Variants in MBOAT2 observed in about 807,000 individuals in gnomAD.
MBOAT2 encodes membrane-bound glycerophospholipid O-acyltransferase 2.
In MBOAT2, 28 loss-of-function variants were observed where a neutral mutation model predicts 63.4. The observed-to-expected ratio is 0.44, with a 90% confidence interval of 0.33 to 0.61. The LOEUF (loss-of-function observed/expected upper bound fraction) is 0.61. Among genes scored for constraint, MBOAT2 ranks in the 20% least tolerant of loss-of-function variants. MBOAT2 has a pLI of 0.03. For synonymous variants in MBOAT2, 211 were observed against 215.6 expected, an observed-to-expected ratio of 0.98 and a Z score of 0.19; for missense variants, 470 against 605.8, an observed-to-expected ratio of 0.78 and a Z score of 2.35.
At chr2:8,889,538 G>A (rs537181923) in intron 4 of MBOAT2, among the ~76,000 whole-genome samples, 2 of 152,246 alleles carry the variant, frequency 1.3e-5, no homozygotes, top group Admixed American at 6.5e-5. Flanking sequence ...TGGAACACCC[G>A]ATTGCTATTT....
chr2:8,940,008 C>T (rs543901656), intron 3 of MBOAT2, among the ~76,000 whole-genome samples: 1 of 152,138 alleles, frequency 6.6e-6, no homozygotes, highest in East Asian at 1.9e-4. Context: ...CAGAACAGAA[C>T]AGATACCAGT....
chr2:8,881,981 T>C (rs991393684), intron 6 of MBOAT2, among the ~76,000 whole-genome samples: 4 of 152,236 alleles, frequency 2.6e-5, no homozygotes, highest in Non-Finnish European at 5.9e-5. Flanking sequence ...TTCCTTAGAT[T>C]AGTCATCAGA....
At chr2:8,881,082 G>C (rs1453679639) in intron 6 of MBOAT2, among the ~76,000 whole-genome samples, 2 of 152,192 alleles carry the variant, frequency 1.3e-5, no homozygotes, top group African/African-American at 4.8e-5. Flanking sequence ...ATCAGTGAGT[G>C]AACAGGCAGG....
At chr2:8,972,342 C>T (rs1670514888) in intron 1 of MBOAT2, among the ~76,000 whole-genome samples, 2 of 152,178 alleles carry the variant, frequency 1.3e-5, no homozygotes, top group South Asian at 2.1e-4. Context: ...TGGATCTCTT[C>T]CTTACACCTT....
At chr2:8,866,316 G>GT (rs1661893964) in intron 9 of MBOAT2, among the ~76,000 whole-genome samples, 1 of 152,090 alleles carries the variant, frequency 6.6e-6, no homozygotes, top group South Asian at 2.1e-4. Flanking sequence ...GATACACAGT[G>GT]TATCTGTGGT....
At chr2:8,860,571 T>G (rs369123254) in intron 12 of MBOAT2, 42 bp downstream of exon 12, 1 of 1,584,876 alleles carries the variant, frequency 6.3e-7, no homozygotes, top group Non-Finnish European at 8.6e-7. Flanking sequence ...CTTTTGAAAA[T>G]AGAGTTATTC....
chr2:8,978,341 A>G (rs1329953877), intron 1 of MBOAT2, among the ~76,000 whole-genome samples: 1 of 152,142 alleles, frequency 6.6e-6, no homozygotes, highest in Non-Finnish European at 1.5e-5. Context: ...CACAGACCTT[A>G]CAATCTAAAG....
rs541049699 is a variant in MBOAT2 at position 8,913,821 on chromosome 2, G to T, written c.300-5105C>A. Reference sequence around the variant, plus strand: ...TTTGATCCAGCAATCCCACTACTGGGTATCTACCCAGAGGAAAAAAAAGTC... The same window carrying T: ...TTTGATCCAGCAATCCCACTACTGGTTATCTACCCAGAGGAAAAAAAAGTC... On this transcript the variant is annotated intron_variant, in intron 3 of 12. Coordinates refer to ENST00000305997, the MANE Select transcript of MBOAT2 (RefSeq NM_138799.4). Among the ~76,000 whole-genome samples, 6 of 151,720 alleles carry T rather than the reference G, an allele frequency of 4.0e-5. No individual in the cohort carries two copies. In the East Asian group the frequency reaches 1.2e-3, roughly 29 times the overall value.
intron 1 of MBOAT2, among the ~76,000 whole-genome samples, chr2:8,986,405 A>C (rs752341130): frequency 2.0e-5 from 3 of 151,828 alleles, no homozygotes; most frequent in Non-Finnish European, 4.4e-5. Flanking sequence ...CTCTCCAAAA[A>C]ATACAAAATT....
Position 8,855,047 on chromosome 2 carries a change from A to AT in MBOAT2, c.*3631dup. On this transcript the variant is annotated 3_prime_UTR_variant, in exon 13 of 13. Coordinates refer to ENST00000305997, the MANE Select transcript of MBOAT2 (RefSeq NM_138799.4). The stretch of plus-strand genomic sequence containing the variant: ...GAGACTATTTCATTATGAAACACTC[A>AT]TTGTAAGAGCTATTGCCAGTAGAAA... The AT allele has an allele frequency of 6.6e-6, 1 of 152,362 alleles. No homozygotes were observed. Among genetic ancestry groups the AT allele is most frequent in the South Asian group, 2.1e-4 (1 of 4,832 alleles). 9.4% of individuals were successfully genotyped at this position (152,362 alleles called of 1,614,324 possible). A position where few individuals can be genotyped will look rare whatever the true frequency, so the allele number is the denominator to read the frequency against.
intron 3 of MBOAT2, among the ~76,000 whole-genome samples, chr2:8,914,539 G>A (rs1166273383): frequency 6.6e-6 from 1 of 150,860 alleles, no homozygotes; most frequent in Admixed American, 6.6e-5. Context: ...CGAGCTATAC[G>A]GAATTGAAAA....
intron 6 of MBOAT2, among the ~76,000 whole-genome samples, chr2:8,879,106 C>T (rs879794526): frequency 3.7e-4 from 56 of 151,454 alleles, no homozygotes; most frequent in Admixed American, 1.2e-3. Context: ...ATGTCTTGAA[C>T]CTTAAGTATT....
intron 2 of MBOAT2, among the ~76,000 whole-genome samples, chr2:8,948,064 T>G (rs1261243004): frequency 6.6e-6 from 1 of 152,140 alleles, no homozygotes; most frequent in Middle Eastern, 3.2e-3. Flanking sequence ...ATATAAACAT[T>G]AGCAGCAGTT....
At chr2:8,969,916 T>A (rs973909202) in intron 1 of MBOAT2, among the ~76,000 whole-genome samples, 2 of 152,152 alleles carry the variant, frequency 1.3e-5, no homozygotes, top group East Asian at 3.8e-4. Context: ...CACACAATAA[T>A]AATGGGAGAC....
intron 1 of MBOAT2, among the ~76,000 whole-genome samples, chr2:8,993,881 C>T (rs1307897314): frequency 6.6e-6 from 1 of 152,214 alleles, no homozygotes; most frequent in African/African-American, 2.4e-5. Flanking sequence ...CAGCATGGTG[C>T]CCTCTCCAGC....
At chr2:8,878,624 A>G (rs1385823453) in intron 6 of MBOAT2, among the ~76,000 whole-genome samples, 1 of 152,208 alleles carries the variant, frequency 6.6e-6, no homozygotes, top group African/African-American at 2.4e-5. Context: ...TGGGATGACA[A>G]GCACACACCA....
chr2:8,977,302 C>T lies in MBOAT2; in HGVS notation c.76-18660G>A, dbSNP rs570708653. 2.0e-5 allele frequency among the ~76,000 whole-genome samples: 3 copies of T among 152,188 alleles called. No homozygotes were observed. In the East Asian group the frequency reaches 5.8e-4, roughly 29 times the overall value. Reference sequence around the variant, plus strand: ...CTTGCAATGTGATTGAGATTACTTTCCCTCTCAGAAGGGTATTTCATTGAA... The same window carrying T: ...CTTGCAATGTGATTGAGATTACTTTTCCTCTCAGAAGGGTATTTCATTGAA... On this transcript the variant is annotated intron_variant, in intron 1 of 12. Transcript: ENST00000305997.
At chr2:8,929,451 A>G (rs983062767) in intron 3 of MBOAT2, among the ~76,000 whole-genome samples, 1 of 152,214 alleles carries the variant, frequency 6.6e-6, no homozygotes, top group African/African-American at 2.4e-5. Flanking sequence ...TCCTAGGCTC[A>G]AGCAATTCTC....
chr2:8,933,309 C>G (rs1239459575), intron 3 of MBOAT2, among the ~76,000 whole-genome samples: 1 of 152,116 alleles, frequency 6.6e-6, no homozygotes, highest in Non-Finnish European at 1.5e-5. Context: ...TTTTCAAGAT[C>G]AGATATATCA....
Sources: allele counts gnomAD v4.1 joint callset (sites outside exome capture counted in the v4.1 genomes callset), GRCh38; gene constraint gnomAD v4.1.1; transcripts MANE v1.5; gene names NCBI Gene and HGNC (gene_info 2026-07-23, HGNC 2026-07-21).